Variants in MTMR3 observed in about 807,000 individuals in gnomAD.
The protein encoded by MTMR3 is myotubularin related protein 3.
In MTMR3, 32 loss-of-function variants were observed where a neutral mutation model predicts 132.4. That is an observed-to-expected ratio of 0.24 (90% CI 0.18 to 0.32). MTMR3 has a LOEUF of 0.32. Among genes scored for constraint, MTMR3 ranks in the 10% least tolerant of loss-of-function variants. The pLI, the probability that MTMR3 is intolerant of heterozygous loss-of-function variation, is 1.00. For synonymous variants in MTMR3, 556 were observed against 550.3 expected, an observed-to-expected ratio of 1.01 and a Z score of -0.14; for missense variants, 1,216 against 1,489.6, an observed-to-expected ratio of 0.82 and a Z score of 3.02.
At chr22:29,905,189 C>T (rs2065071972) in intron 1 of MTMR3, among the ~76,000 whole-genome samples, 2 of 152,126 alleles carry the variant, frequency 1.3e-5, no homozygotes, top group Non-Finnish European at 2.9e-5. Context: ...CCCCCACATA[C>T]ACCAACATCT....
intron 1 of MTMR3, among the ~76,000 whole-genome samples, chr22:29,930,481 G>C (rs528882652): frequency 5.9e-5 from 9 of 152,280 alleles, no homozygotes; most frequent in African/African-American, 2.2e-4. Flanking sequence ...TGAAGTGGGA[G>C]GATTGCCCAG....
intron 5 of MTMR3, chr22:29,979,731 T>C (rs183225427): frequency 6.6e-6 from 1 of 152,598 alleles, no homozygotes; most frequent in Admixed American, 6.5e-5. Context: ...TCCCTTGGCC[T>C]TAATGTCAAA....
intron 1 of MTMR3, among the ~76,000 whole-genome samples, chr22:29,896,941 T>A (rs2064913536): frequency 6.8e-6 from 1 of 147,552 alleles, no homozygotes; most frequent in African/African-American, 2.5e-5. Context: ...CTACAAAGCC[T>A]GTCTGTCTCT....
chr22:30,016,770 T>C (rs17647135), intron 15 of MTMR3, 72 bp downstream of exon 15: 138,421 of 1,485,928 alleles, frequency 0.093, 6,906 homozygotes, highest in Admixed American at 0.12. Flanking sequence ...GAGAGCCTTT[T>C]TGAGTAGTGA....
intron 1 of MTMR3, among the ~76,000 whole-genome samples, chr22:29,885,871 G>A (rs192459930): frequency 6.6e-6 from 1 of 152,204 alleles, no homozygotes; most frequent in Non-Finnish European, 1.5e-5. Flanking sequence ...GTGTTTTAGA[G>A]GGGGGTGTGG....
At chr22:29,967,067 A>C (rs942286193) in intron 2 of MTMR3, among the ~76,000 whole-genome samples, 1 of 152,010 alleles carries the variant, frequency 6.6e-6, no homozygotes, top group Admixed American at 6.6e-5. Context: ...AGTGGGAATT[A>C]GTCTTTAGGG....
intron 1 of MTMR3, among the ~76,000 whole-genome samples, chr22:29,920,673 T>A (rs1389892377): frequency 1.6e-5 from 2 of 121,896 alleles, no homozygotes; most frequent in Non-Finnish European, 3.6e-5. Context: ...TGGATAAAGC[T>A]TTTTTTTTAA....
chr22:29,918,072 G>GA (rs1304510684), intron 1 of MTMR3, among the ~76,000 whole-genome samples: 1 of 152,092 alleles, frequency 6.6e-6, no homozygotes, highest in African/African-American at 2.4e-5. Context: ...GTTTAATTTA[G>GA]AAAAAATTAG....
intron 8 of MTMR3, chr22:30,002,656 T>A (rs2067199544): frequency 2.1e-6 from 1 of 466,436 alleles, no homozygotes. Context: ...TGTATACACA[T>A]AAGTAAACAT....
At chr22:29,903,069 A>T (rs565056611) in intron 1 of MTMR3, among the ~76,000 whole-genome samples, 2 of 152,308 alleles carry the variant, frequency 1.3e-5, no homozygotes, top group East Asian at 3.9e-4. Context: ...TACTAAAAAC[A>T]CAAAAATTAT....
At chr22:29,985,308 T>C (rs906590085) in intron 5 of MTMR3, 3 of 152,156 alleles carry the variant, frequency 2.0e-5, no homozygotes, top group African/African-American at 7.2e-5. Context: ...GATACCAACC[T>C]GGACAAATGG....
chr22:29,963,702 A>G (rs1198255941), intron 2 of MTMR3, among the ~76,000 whole-genome samples: 1 of 151,972 alleles, frequency 6.6e-6, no homozygotes, highest in African/African-American at 2.4e-5. Context: ...ATTCCTTTCT[A>G]TGGCCAAATA....
intron 1 of MTMR3, among the ~76,000 whole-genome samples, chr22:29,939,265 G>A (rs1452507913): frequency 6.6e-6 from 1 of 152,190 alleles, no homozygotes; most frequent in Admixed American, 6.5e-5. Flanking sequence ...GTTAAGGAGT[G>A]TCATGGTTCA....
intron 1 of MTMR3, among the ~76,000 whole-genome samples, chr22:29,954,847 A>G (rs539037043): frequency 5.9e-4 from 90 of 152,212 alleles, no homozygotes; most frequent in African/African-American, 2.0e-3. Context: ...TAAAGCCAGC[A>G]TATCATAGCT....
intron 5 of MTMR3, chr22:29,982,765 TC>T (rs1375747165): frequency 6.6e-6 from 1 of 152,200 alleles, no homozygotes; most frequent in African/African-American, 2.4e-5. Flanking sequence ...AAGTTCCAGT[TC>T]CTGTGGTAAA....
chr22:29,949,508 CCA>C (rs1491317276), intron 1 of MTMR3, among the ~76,000 whole-genome samples: 1 of 143,498 alleles, frequency 7.0e-6, no homozygotes, highest in African/African-American at 2.8e-5. Flanking sequence ...GCGCCCCCCC[CCA>C]AAAAAAAAAA....
At chr22:29,955,672 T>C (rs1229909626) in intron 1 of MTMR3, among the ~76,000 whole-genome samples, 1 of 152,236 alleles carries the variant, frequency 6.6e-6, no homozygotes, top group Non-Finnish European at 1.5e-5. Context: ...ATGTTTAAAA[T>C]GGTTAAGACA....
intron 1 of MTMR3, among the ~76,000 whole-genome samples, chr22:29,890,951 T>C (rs1273391337): frequency 6.6e-6 from 1 of 151,484 alleles, no homozygotes; most frequent in Admixed American, 6.6e-5. Context: ...AGTTCAAGGC[T>C]AAAGTTCACT....
chr22:29,902,224 A>G (rs1436425227), intron 1 of MTMR3, among the ~76,000 whole-genome samples: 2 of 152,152 alleles, frequency 1.3e-5, no homozygotes, highest in Non-Finnish European at 2.9e-5. Flanking sequence ...ATAAACTGTA[A>G]GTCATTAGAA....
Sources: allele counts gnomAD v4.1 joint callset (sites outside exome capture counted in the v4.1 genomes callset), GRCh38; gene constraint gnomAD v4.1.1; transcripts MANE v1.5; gene names NCBI Gene and HGNC (gene_info 2026-07-23, HGNC 2026-07-21).